WASHC2C: variants seen among roughly 807,000 people sequenced by gnomAD.
WASHC2C encodes WASH complex subunit 2C.
WASHC2C carries 73 observed loss-of-function variants against 142.2 expected under a neutral mutation model. That is an observed-to-expected ratio of 0.51 (90% confidence interval 0.43 to 0.62). The LOEUF is 0.62. Among genes scored for constraint, WASHC2C ranks in the 20% least tolerant of loss-of-function variants. The pLI is 0.00. For synonymous variants in WASHC2C, 337 were observed against 565.5 expected, an observed-to-expected ratio of 0.60 and a Z score of 5.73; for missense variants, 969 against 1,531.7, an observed-to-expected ratio of 0.63 and a Z score of 6.13.
chr10:45,741,219 A>G (rs1343297605), intron 5 of WASHC2C, among the ~76,000 whole-genome samples: 1 of 152,154 alleles, frequency 6.6e-6, no homozygotes, highest in Non-Finnish European at 1.5e-5. Context: ...AAGTGCTGGG[A>G]TTACAGACAT....
At chr10:45,751,913 A>G (rs1458634038) in intron 11 of WASHC2C, among the ~76,000 whole-genome samples, 3 of 152,086 alleles carry the variant, frequency 2.0e-5, no homozygotes, top group Non-Finnish European at 4.4e-5. Context: ...GGAGGCAGAG[A>G]TGGCAGTGAG....
chr10:45,768,875 T>C (rs1162702364), intron 19 of WASHC2C, among the ~76,000 whole-genome samples: 1 of 151,818 alleles, frequency 6.6e-6, no homozygotes, highest in Non-Finnish European at 1.5e-5. Flanking sequence ...AAGTCGCTTG[T>C]AATACAGTGC....
chr10:45,757,759 C>T (rs1485934274), intron 16 of WASHC2C, among the ~76,000 whole-genome samples: 1 of 152,200 alleles, frequency 6.6e-6, no homozygotes, highest in Non-Finnish European at 1.5e-5. Context: ...ATCTAGATCC[C>T]TCGCATGCAC....
At chr10:45,788,542 T>G (rs1285709404) in intron 28 of WASHC2C, among the ~76,000 whole-genome samples, 49 of 151,582 alleles carry the variant, frequency 3.2e-4, no homozygotes, top group Admixed American at 3.2e-3. Flanking sequence ...GGAGGGGTTG[T>G]GAGACACAGA....
At position 45,785,775 on chromosome 10, in the gene WASHC2C, T is replaced by G. The variant is rs1277822287; in HGVS notation, c.2811+144T>G. On this transcript the variant is annotated intron_variant, in intron 26 of 30. Transcript: ENST00000623400. The stretch of plus-strand genomic sequence containing the variant: ...GGCTACAGCTTTGTCTTCACTGCAC[T>G]TCCCCCGAGTCATCTCCCCTCTCCT... 6.8e-5 allele frequency: 98 copies of G among 1,436,534 alleles called. No homozygotes were observed. The South Asian group carries it at 7.8e-4, about 11-fold the overall frequency. 89.0% of individuals were successfully genotyped at this position (1,436,534 alleles called of 1,614,324 possible).
At position 45,727,462 on chromosome 10, in the gene WASHC2C, C is replaced by A; in HGVS notation, c.49C>A (p.Pro17Thr). ...CCAGGAGCTGGTGCCGGCGTCGGAGCCCGTGTGGGAGCGGCCGTGGTCGGT... is the reference window on the plus strand; with the variant it reads ...CCAGGAGCTGGTGCCGGCGTCGGAGACCGTGTGGGAGCGGCCGTGGTCGGT... Reference protein sequence around the residue: ...PDQELVPASEPVWERPWSVEE... With the variant: ...PDQELVPASETVWERPWSVEE... The change falls in exon 2 of 31, where the codon CCC (proline) becomes ACC (threonine). Residue 17 changes from proline (P) to threonine (T), a missense_variant. Physicochemically the swap from Pro to Thr is conservative, Grantham distance 38. Transcript: ENST00000623400. 6.2e-7 allele frequency: 1 copy of A among 1,610,588 alleles called. No individual in the cohort carries two copies. The highest frequency in any genetic ancestry group is 1.7e-5 in the Admixed American group (1 of 59,872).
chr10:45,744,091 T>C (rs1385901591), intron 6 of WASHC2C, among the ~76,000 whole-genome samples: 1 of 149,258 alleles, frequency 6.7e-6, no homozygotes, highest in Admixed American at 6.7e-5. Flanking sequence ...GGAGTTTCTC[T>C]CTGGTCACCC....
chr10:45,766,036 T>C (rs1181262039), intron 19 of WASHC2C, among the ~76,000 whole-genome samples: 2 of 152,236 alleles, frequency 1.3e-5, no homozygotes, highest in Non-Finnish European at 2.9e-5. Flanking sequence ...CACACAATAG[T>C]GTATGCTCCT....
At chr10:45,789,800 G>A (rs1447926262) in intron 29 of WASHC2C, among the ~76,000 whole-genome samples, 18,895 of 117,796 alleles carry the variant, frequency 0.16, no homozygotes, top group Admixed American at 0.23. Context: ...CATGCCACTC[G>A]GTGACATGGC....
intron 11 of WASHC2C, 113 bp from the exon 12 acceptor site, chr10:45,752,475 A>G: frequency 1.2e-6 from 1 of 820,286 alleles, no homozygotes; most frequent in Non-Finnish European, 2.1e-6. Flanking sequence ...TTTGTTAAAT[A>G]GTGTCAGATA....
intron 19 of WASHC2C, 101 bp from the exon 20 acceptor site, chr10:45,769,348 G>A: frequency 6.9e-7 from 1 of 1,444,590 alleles, no homozygotes; most frequent in Non-Finnish European, 9.4e-7. Context: ...TTGATCTGCT[G>A]ATCTCGTGAT....
chr10:45,752,631 G>A lies in WASHC2C; in HGVS notation c.1047G>A (p.Glu349=). 1 of 1,609,908 alleles carries A rather than the reference G, an allele frequency of 6.2e-7. No homozygotes were observed. The change falls in exon 12 of 31, where the codon GAG becomes GAA. Residue 349 remains glutamate (E), a synonymous_variant. Transcript: ENST00000623400. The stretch of plus-strand genomic sequence containing the variant: ...TCGCACCCCCCAAGCTGACCGACGA[G>A]GACTTCTCGCCATTTGGCTCTGGAG... The part of the protein sequence containing the change: ...NLFAPPKLTD[E]DFSPFGSGGG...
chr10:45,736,457 G>GGGTGT (rs2051287781), intron 3 of WASHC2C, among the ~76,000 whole-genome samples: 1 of 144,886 alleles, frequency 6.9e-6, no homozygotes, highest in South Asian at 2.2e-4. Context: ...CAAATTAGCC[G>GGGTGT]GGTGTGGTGG....
chr10:45,779,176 T>G, intron 23 of WASHC2C, 41 bp downstream of exon 23: 1 of 1,611,494 alleles, frequency 6.2e-7, no homozygotes, highest in Non-Finnish European at 8.5e-7. Flanking sequence ...CTGGATGAGA[T>G]AAAAGACTCT....
At chr10:45,785,470 G>T in intron 25 of WASHC2C, 39 bp from the exon 26 acceptor site, 2 of 1,608,654 alleles carry the variant, frequency 1.2e-6, no homozygotes, top group Non-Finnish European at 1.7e-6. Flanking sequence ...AAACTTCTAA[G>T]ATATTTGATG....
chr10:45,777,070 G>A lies in WASHC2C; in HGVS notation c.2143-203G>A, dbSNP rs1431948664. On this transcript the variant is annotated intron_variant, in intron 21 of 30. Coordinates refer to ENST00000623400, the MANE Select transcript of WASHC2C (RefSeq NM_001330074.2). ...AGACAGATACAGGTGATATGGTGGCGTGAAGTGTCCTGTCCACAAGTCCCG... is the reference window on the plus strand; with the variant it reads ...AGACAGATACAGGTGATATGGTGGCATGAAGTGTCCTGTCCACAAGTCCCG... Among the ~76,000 whole-genome samples the A allele has an allele frequency of 1.6e-3, 245 of 151,804 alleles. 2 individuals are homozygous for A. The highest frequency in any genetic ancestry group is 5.7e-3 in the African/African-American group (234 of 41,200).
chr10:45,727,302 G>A lies in WASHC2C; in HGVS notation c.-16G>A, dbSNP rs1430977311. The stretch of plus-strand genomic sequence containing the variant: ...TGTGCTGGCAGCCTCGGAGCCCACC[G>A]AGCCGGGCGGCTGGGATGGTGAGGG... On this transcript the variant is annotated 5_prime_UTR_variant, in exon 1 of 31. Transcript: ENST00000623400. The A allele has an allele frequency of 1.9e-5, 29 of 1,565,752 alleles. No individual in the cohort carries two copies. The East Asian group carries it at 4.7e-4, about 25-fold the overall frequency.
chr10:45,731,276 A>AG (rs1376438003), intron 3 of WASHC2C, among the ~76,000 whole-genome samples: 5 of 134,866 alleles, frequency 3.7e-5, no homozygotes, highest in African/African-American at 1.5e-4. Flanking sequence ...GCTGGAGTGC[A>AG]GTGACACCAT....
Position 45,779,063 on chromosome 10 carries a change from C to A in WASHC2C, c.2406C>A (p.Ser802Arg). ...AGCCTAGAACCAAAACTGTTCTTAG[C>A]TTGTTTGATGAGGAAGAGGATAAAA... ...GTKPRTKTVL[S>R]LFDEEEDKME... is the part of the protein sequence containing the mutation. The change falls in exon 23 of 31, where the codon AGC (serine) becomes AGA (arginine). Residue 802 changes from serine (S) to arginine (R), a missense_variant. Ser to Arg is a moderately radical substitution (Grantham distance 110). Transcript: ENST00000623400. 6.2e-7 allele frequency: 1 copy of A among 1,609,298 alleles called. No homozygotes were observed.
Sources: allele counts gnomAD v4.1 joint callset (sites outside exome capture counted in the v4.1 genomes callset), GRCh38; gene constraint gnomAD v4.1.1; transcripts MANE v1.5; gene names NCBI Gene and HGNC (gene_info 2026-07-23, HGNC 2026-07-21).